The following GYS2 variants were observed in gnomAD, a reference collection of about 807,000 sequenced individuals.
GYS2 encodes the protein glycogen synthase 2.
GYS2 carries 80 observed loss-of-function variants against 85.6 expected under a neutral mutation model. That is an observed-to-expected ratio of 0.93 (90% confidence interval 0.78 to 1.13). The LOEUF is 1.13. Ranked by LOEUF, GYS2 falls within the 50% of genes most tolerant of loss-of-function variation. The pLI is 0.00. For synonymous variants in GYS2, 328 were observed against 300.7 expected (o/e 1.09, Z -0.94); for missense variants, 881 against 854.9 (o/e 1.03, Z -0.38).
chr12:21,599,654 G>A (rs900430728), intron 1 of GYS2, among the ~76,000 whole-genome samples: 5 of 152,212 alleles, frequency 3.3e-5, no homozygotes, highest in South Asian at 2.1e-4. Flanking sequence ...ATGGCCCACC[G>A]GCTTATCCAC....
intron 5 of GYS2, 63 bp downstream of exon 5, chr12:21,568,801 CA>C: frequency 6.9e-7 from 1 of 1,457,224 alleles, no homozygotes; most frequent in Non-Finnish European, 9.6e-7. Context: ...CGATGGAAAA[CA>C]AAATCCTCAT....
chr12:21,599,601 G>A (rs1171064931), intron 1 of GYS2, among the ~76,000 whole-genome samples: 1 of 152,198 alleles, frequency 6.6e-6, no homozygotes. Context: ...TACATAGATC[G>A]TGTGTTTCAC....
intron 13 of GYS2, among the ~76,000 whole-genome samples, chr12:21,541,048 G>A (rs933726989): frequency 6.6e-6 from 1 of 151,976 alleles, no homozygotes; most frequent in South Asian, 2.1e-4. Flanking sequence ...AGAGGTGGGT[G>A]GATTCCTTGA....
chr12:21,538,950 C>T (rs979908158), intron 15 of GYS2, among the ~76,000 whole-genome samples: 1 of 152,174 alleles, frequency 6.6e-6, no homozygotes, highest in African/African-American at 2.4e-5. Flanking sequence ...AGCAAATTCA[C>T]TTTCAATTAA....
chr12:21,543,515 A>C (rs2054436), intron 12 of GYS2, among the ~76,000 whole-genome samples: 1 of 151,860 alleles, frequency 6.6e-6, no homozygotes, highest in Non-Finnish European at 1.5e-5. Flanking sequence ...ATTTCCTCAG[A>C]CTTCCTCCTG....
intron 4 of GYS2, among the ~76,000 whole-genome samples, chr12:21,573,015 C>A (rs917486674): frequency 6.6e-6 from 1 of 152,144 alleles, no homozygotes; most frequent in Non-Finnish European, 1.5e-5. Context: ...GATCCCCAGG[C>A]TTTCTGAATT....
In GYS2 at chr12:21,562,879, C is replaced by G. The variant is rs778650582; in HGVS notation, c.1062+39G>C. On this transcript the variant is annotated intron_variant, in intron 7 of 15. Coordinates refer to ENST00000261195, the MANE Select transcript of GYS2 (RefSeq NM_021957.4). Reference sequence around the variant, plus strand: ...TCACTTCCCACAGAAGAAAGTTCTCCCTACAAGAGTGTTATACCATGTCCT... The same window carrying G: ...TCACTTCCCACAGAAGAAAGTTCTCGCTACAAGAGTGTTATACCATGTCCT... 5.0e-6 allele frequency: 8 copies of G among 1,609,596 alleles called. No homozygotes were observed. In the South Asian group the frequency reaches 6.6e-5, roughly 13 times the overall value.
chr12:21,557,605 G>GT (rs1944195893), intron 11 of GYS2, among the ~76,000 whole-genome samples: 1 of 152,120 alleles, frequency 6.6e-6, no homozygotes, highest in South Asian at 2.1e-4. Context: ...TCATTAAAAA[G>GT]TAAGTAATTT....
chr12:21,574,089 G>C lies in GYS2; in HGVS notation c.678+55C>G, dbSNP rs1055699434. 8 of 1,357,122 alleles carry C rather than the reference G, an allele frequency of 5.9e-6. No individual in the cohort carries two copies. In the African/African-American group the frequency reaches 1.1e-4, roughly 19 times the overall value. The allele number at this position is 1,357,122 out of a possible 1,614,324, so 84.1% of individuals were successfully genotyped here. ...TGTACAGATCAATACTTATCTTTCA[G>C]CTTCAGCAATCTGAAAGAAGGGTGA... On this transcript the variant is annotated intron_variant, in intron 4 of 15. Coordinates refer to ENST00000261195, the MANE Select transcript of GYS2 (RefSeq NM_021957.4).
chr12:21,537,303 CTT>C, intron 15 of GYS2, 128 bp from the exon 16 acceptor site: 1 of 720,390 alleles, frequency 1.4e-6, no homozygotes, highest in South Asian at 1.6e-5. Context: ...TGCTATTAAA[CTT>C]TGATTCATTT....
At chr12:21,601,241 T>A (rs1944753025) in intron 1 of GYS2, among the ~76,000 whole-genome samples, 1 of 152,058 alleles carries the variant, frequency 6.6e-6, no homozygotes, top group Non-Finnish European at 1.5e-5. Context: ...CACCACAGTC[T>A]AATTTCCCTC....
intron 1 of GYS2, among the ~76,000 whole-genome samples, chr12:21,585,759 T>A (rs1944565712): frequency 6.6e-6 from 1 of 152,238 alleles, no homozygotes; most frequent in Non-Finnish European, 1.5e-5. Context: ...ACACTTGTAC[T>A]AAGAAAATAT....
At chr12:21,585,796 T>A (rs1360585535) in intron 1 of GYS2, among the ~76,000 whole-genome samples, 1 of 152,248 alleles carries the variant, frequency 6.6e-6, no homozygotes, top group Non-Finnish European at 1.5e-5. Context: ...TTTTCCTTTA[T>A]CATGTGACAT....
chr12:21,574,353 GA>G, intron 3 of GYS2, 27 bp from the exon 4 acceptor site: 1 of 1,581,358 alleles, frequency 6.3e-7, no homozygotes, highest in African/African-American at 1.3e-5. Context: ...AAAGCATTCA[GA>G]AAAGTTGTTG....
At chr12:21,571,486 T>C (rs114639283) in intron 4 of GYS2, among the ~76,000 whole-genome samples, 1,654 of 152,274 alleles carry the variant, frequency 0.011, 28 homozygotes, top group African/African-American at 0.036. Flanking sequence ...AAGTACATAT[T>C]AATCAATAAA....
chr12:21,586,228 G>A (rs1359751650), intron 1 of GYS2, among the ~76,000 whole-genome samples: 1 of 152,080 alleles, frequency 6.6e-6, no homozygotes, highest in Admixed American at 6.6e-5. Flanking sequence ...ATCCTGGACT[G>A]GCTTAGCCTC....
intron 11 of GYS2, among the ~76,000 whole-genome samples, chr12:21,548,511 C>G (rs1381023729): frequency 6.6e-6 from 1 of 152,106 alleles, no homozygotes; most frequent in Non-Finnish European, 1.5e-5. Flanking sequence ...AACTACCTTT[C>G]ATTTAATATA....
chr12:21,556,533 C>A (rs982265590), intron 11 of GYS2, among the ~76,000 whole-genome samples: 2 of 152,158 alleles, frequency 1.3e-5, no homozygotes, highest in African/African-American at 2.4e-5. Context: ...GCCCATGCAC[C>A]AATGTCTCTC....
chr12:21,557,894 G>A (rs10770832), intron 11 of GYS2, among the ~76,000 whole-genome samples: 109,724 of 151,532 alleles, frequency 0.72, 40,258 homozygotes, highest in South Asian at 0.79. Context: ...GCGAGACTCC[G>A]TCTCAAAAAA....
Sources: allele counts gnomAD v4.1 joint callset (sites outside exome capture counted in the v4.1 genomes callset), GRCh38; gene constraint gnomAD v4.1.1; transcripts MANE v1.5; gene names NCBI Gene and HGNC (gene_info 2026-07-23, HGNC 2026-07-21).